The following ACOT12 variants were observed in gnomAD, a reference collection of about 807,000 sequenced individuals.
ACOT12 encodes the protein acetyl-coenzyme A thioesterase.
ACOT12 carries 51 observed loss-of-function variants against 67.7 expected under a neutral mutation model. The observed-to-expected ratio is 0.75, with a 90% CI of 0.60 to 0.95. The LOEUF (loss-of-function observed/expected upper bound fraction) is 0.95. Ranked by LOEUF, ACOT12 falls within the 40% of genes least tolerant of loss-of-function variation. The pLI is 0.00. For synonymous variants in ACOT12, 251 were observed against 244.6 expected (o/e 1.03, Z -0.24); for missense variants, 734 against 708.1 (o/e 1.04, Z -0.41).
At chr5:81,341,999 AT>A (rs202158601) in intron 11 of ACOT12, among the ~76,000 whole-genome samples, 2 of 151,816 alleles carry the variant, frequency 1.3e-5, no homozygotes, top group Admixed American at 6.6e-5. Context: ...TTATTTATTT[AT>A]TTTTTTTAGA....
At chr5:81,312,550 T>C in the ACOT12 span, 1 of 1,612,418 alleles carries the variant, frequency 6.2e-7, no homozygotes, top group Non-Finnish European at 8.5e-7. Context: ...ACAGAGCGAA[T>C]GGTCACAGTT....
At chr5:81,317,303 A>C in the ACOT12 span, among the ~76,000 whole-genome samples, 9 of 152,150 alleles carry the variant, frequency 5.9e-5, no homozygotes, top group Non-Finnish European at 1.2e-4. Flanking sequence ...GGAGTTCAAG[A>C]CCAGCCTGGC....
intron 3 of ACOT12, among the ~76,000 whole-genome samples, chr5:81,364,872 C>T (rs4277893): frequency 2.0e-5 from 3 of 152,082 alleles, no homozygotes; most frequent in African/African-American, 7.2e-5. Context: ...CCTTTACTCT[C>T]AGAGTTTTTT....
At chr5:81,362,340 A>G (rs776277840) in intron 4 of ACOT12, among the ~76,000 whole-genome samples, 8 of 151,720 alleles carry the variant, frequency 5.3e-5, no homozygotes, top group Admixed American at 1.3e-4. Context: ...TAATTTTTGT[A>G]TTTTTAGTAG....
the ACOT12 span, among the ~76,000 whole-genome samples, chr5:81,323,707 T>C: frequency 6.6e-6 from 1 of 151,802 alleles, no homozygotes; most frequent in African/African-American, 2.4e-5. Context: ...TATGCAAAAT[T>C]GTTAATGTGT....
At chr5:81,353,301 T>C (rs1289636309) in intron 5 of ACOT12, among the ~76,000 whole-genome samples, 1 of 150,804 alleles carries the variant, frequency 6.6e-6, no homozygotes, top group Non-Finnish European at 1.5e-5. Flanking sequence ...ACGAAAAAAA[T>C]AGGGTTTTCC....
At chr5:81,327,919 G>A (rs1758712521), downstream of ACOT12, among the ~76,000 whole-genome samples, 1 of 152,172 alleles carries the variant, frequency 6.6e-6, no homozygotes, top group African/African-American at 2.4e-5. Context: ...CCAGGGGGCT[G>A]ACTGCTGATG....
intron 2 of ACOT12, among the ~76,000 whole-genome samples, chr5:81,381,794 A>G (rs1254149873): frequency 6.6e-6 from 1 of 152,236 alleles, no homozygotes; most frequent in African/African-American, 2.4e-5. Context: ...TGAAAATAAA[A>G]GTCATTCCTA....
the ACOT12 span, among the ~76,000 whole-genome samples, chr5:81,324,625 G>A: frequency 1.3e-5 from 2 of 152,180 alleles, no homozygotes; most frequent in Admixed American, 1.3e-4. Flanking sequence ...GAGCCCTAGG[G>A]TAACCTAATA....
At chr5:81,365,447 A>G (rs527380822) in intron 3 of ACOT12, among the ~76,000 whole-genome samples, 79 of 152,230 alleles carry the variant, frequency 5.2e-4, no homozygotes, top group Non-Finnish European at 1.1e-3. Context: ...CTGCTTTTAG[A>G]GAAATGGACA....
intron 2 of ACOT12, among the ~76,000 whole-genome samples, chr5:81,372,667 T>C (rs1760289634): frequency 6.6e-6 from 1 of 152,220 alleles, no homozygotes; most frequent in Non-Finnish European, 1.5e-5. Flanking sequence ...TTCTCCTTTC[T>C]AAAATTTTTC....
the ACOT12 span, among the ~76,000 whole-genome samples, chr5:81,324,570 T>C: frequency 2.4e-4 from 37 of 152,326 alleles, no homozygotes; most frequent in Non-Finnish European, 3.1e-4. Context: ...AGATACTGGT[T>C]AGACTCACTG....
intron 12 of ACOT12, among the ~76,000 whole-genome samples, chr5:81,334,476 A>G (rs1758933646): frequency 6.6e-6 from 1 of 152,216 alleles, no homozygotes; most frequent in African/African-American, 2.4e-5. Flanking sequence ...CACGGAAGAA[A>G]CAAGCCACAC....
chr5:81,354,756 T>G (rs1290144685), intron 5 of ACOT12, among the ~76,000 whole-genome samples: 1 of 152,090 alleles, frequency 6.6e-6, no homozygotes, highest in East Asian at 1.9e-4. Context: ...TAGGCTGGAC[T>G]GCAGTGGTGC....
intron 10 of ACOT12, among the ~76,000 whole-genome samples, chr5:81,343,519 T>A (rs922617525): frequency 6.6e-6 from 1 of 152,222 alleles, no homozygotes; most frequent in East Asian, 1.9e-4. Flanking sequence ...TGCAAGCTGG[T>A]GGGCACAAGT....
chr5:81,387,283 G>A (rs1219773155), intron 1 of ACOT12, among the ~76,000 whole-genome samples: 1 of 152,038 alleles, frequency 6.6e-6, no homozygotes, highest in African/African-American at 2.4e-5. Flanking sequence ...GGGATTACAG[G>A]CATGAGCTCT....
chr5:81,389,614 G>A (rs1418626976), intron 1 of ACOT12, among the ~76,000 whole-genome samples: 2 of 152,030 alleles, frequency 1.3e-5, no homozygotes, highest in East Asian at 1.9e-4. Flanking sequence ...TGCAACCTCC[G>A]CCTCCTGGGT....
intron 5 of ACOT12, among the ~76,000 whole-genome samples, chr5:81,359,447 T>C (rs4703517): frequency 0.48 from 72,943 of 152,022 alleles, 18,800 homozygotes; most frequent in African/African-American, 0.67. Flanking sequence ...GGATCTTAAG[T>C]CTCTGCTCAT....
chr5:81,325,701 C>T (rs902815942), downstream of ACOT12, among the ~76,000 whole-genome samples: 2 of 152,156 alleles, frequency 1.3e-5, no homozygotes, highest in African/African-American at 4.8e-5. Flanking sequence ...GTGCTTCATC[C>T]TTGCAGGTGT....
Sources: allele counts gnomAD v4.1 joint callset (sites outside exome capture counted in the v4.1 genomes callset), GRCh38; gene constraint gnomAD v4.1.1; transcripts MANE v1.5; gene names NCBI Gene and HGNC (gene_info 2026-07-23, HGNC 2026-07-21).